The following MUC17 variants were observed in gnomAD, a reference collection of about 807,000 sequenced individuals.
MUC17 encodes mucin-17.
Under a neutral mutation model 170.3 loss-of-function variants are expected in MUC17, and 190 were observed. The ratio of observed to expected loss-of-function variants is 1.12; its 90% confidence interval spans 0.99 to 1.26. The LOEUF (loss-of-function observed/expected upper bound fraction) is 1.26, where lower values mean the gene tolerates loss of function less well. MUC17 is among the 50% of genes most tolerant of loss of function. The pLI is 0.00. For missense variants in MUC17, 6,415 were observed against 5,530.0 expected, an observed-to-expected ratio of 1.16 and a Z score of -5.08; for synonymous variants, 2,325 against 2,002.5, an observed-to-expected ratio of 1.16 and a Z score of -4.30.
At position 101,048,122 on chromosome 7, in the gene MUC17, G is replaced by A. The variant is rs747581934; in HGVS notation, c.12535+7G>A. Reference sequence around the variant, plus strand: ...GTCAGCAGCATTGACATAGGTGAGTGCAACCCCAGGCCTTCCCCCACCCCA... The same window carrying A: ...GTCAGCAGCATTGACATAGGTGAGTACAACCCCAGGCCTTCCCCCACCCCA... On this transcript the variant is annotated splice_region_variant and intron_variant, in intron 4 of 12. Coordinates refer to ENST00000306151, the MANE Select transcript of MUC17 (RefSeq NM_001040105.2). 2 of 1,566,920 alleles carry A rather than the reference G, an allele frequency of 1.3e-6. No homozygotes were observed. Among genetic ancestry groups the A allele is most frequent in the Non-Finnish European group, 1.7e-6 (2 of 1,157,118 alleles).
chr7:101,040,591 G>A lies in MUC17; in HGVS notation c.9175G>A (p.Ala3059Thr), dbSNP rs750632535. 1.2e-6 allele frequency: 2 copies of A among 1,612,330 alleles called. No homozygotes were observed. The highest frequency in any genetic ancestry group is 2.2e-5 in the East Asian group (1 of 44,678). ...TSIPVSTTPV[A>T]IPEASTLSTT... ...TATACCTGTCAGCACCACGCCAGTG[G>A]CCATTCCTGAGGCTAGCACCCTTTC... The change falls in exon 3 of 13, where the codon GCC becomes ACC. Residue 3059 changes from alanine to threonine, a missense_variant. Physicochemically the swap from Ala to Thr is moderately conservative, Grantham distance 58. Transcript: ENST00000306151.
At chr7:101,043,977 C>T (rs6970159) in intron 3 of MUC17, among the ~76,000 whole-genome samples, 158 bp downstream of exon 3, 2,998 of 152,290 alleles carry the variant, frequency 0.02, 100 homozygotes, top group African/African-American at 0.069. Flanking sequence ...TCTCGTAATG[C>T]TATCCCTCCC....
Position 101,053,356 on chromosome 7 carries a change from C to G in MUC17, c.13283C>G (p.Ser4428Cys). Residue 4428 changes from serine (S) to cysteine (C), a missense_variant, in exon 11 of 13, where the codon TCT (serine) becomes TGT (cysteine). Physicochemically the swap from Ser to Cys is moderately radical, Grantham distance 112. Transcript: ENST00000306151. Reference sequence around the variant, plus strand: ...ATCACTAGGCAAAAGTACAGATTGTCTCAGTTATACAAGTGGCAAGAAGAG... The same window carrying G: ...ATCACTAGGCAAAAGTACAGATTGTGTCAGTTATACAAGTGGCAAGAAGAG... ...REVKRQKYRL[S>C]QLYKWQEEDS... 1 of 1,614,082 alleles carries G rather than the reference C, an allele frequency of 6.2e-7. No homozygotes were observed. Among genetic ancestry groups the G allele is most frequent in the East Asian group, 2.2e-5 (1 of 44,878 alleles).
intron 11 of MUC17, among the ~76,000 whole-genome samples, chr7:101,055,710 A>G (rs1351757428): frequency 6.6e-6 from 1 of 152,240 alleles, no homozygotes; most frequent in Non-Finnish European, 1.5e-5. Flanking sequence ...CACATTTATT[A>G]CCTGAGTCCA....
Position 101,032,539 on chromosome 7 carries a change from C to T in MUC17, c.1123C>T (p.Pro375Ser). The T allele has an allele frequency of 1.2e-6, 2 of 1,614,072 alleles. No individual in the cohort carries two copies. The highest frequency in any genetic ancestry group is 1.7e-6 in the Non-Finnish European group (2 of 1,180,000). ...CACTTCTACTGAACCCAGTTCACTT[C>T]CTACAACTGCTGAAGCTACCAGCAT... ...VTTSTEPSSL[P>S]TTAEATSMLT... The change falls in exon 3 of 13, where the codon CCT (proline) becomes TCT (serine). Residue 375 changes from proline to serine, a missense_variant. Coordinates refer to ENST00000306151, the MANE Select transcript of MUC17 (RefSeq NM_001040105.2).
Position 101,041,372 on chromosome 7 carries a change from G to A in MUC17, c.9956G>A (p.Ser3319Asn), listed in dbSNP as rs775248154. 10 of 1,613,146 alleles carry A rather than the reference G, an allele frequency of 6.2e-6. No homozygotes were observed. The African/African-American group carries it at 8.0e-5, about 13-fold the overall frequency. The change falls in exon 3 of 13, where the codon AGT becomes AAT. Residue 3319 changes from serine (S) to asparagine (N), a missense_variant. Transcript: ENST00000306151. ...STPVTTYSQA[S>N]SSPPIADGTS... is the part of the protein sequence containing the mutation. ...CCTGTGACCACTTATTCTCAAGCCAGTTCATCTCCTCCAATTGCTGACGGT... is the reference window on the plus strand; with the variant it reads ...CCTGTGACCACTTATTCTCAAGCCAATTCATCTCCTCCAATTGCTGACGGT...
intron 7 of MUC17, among the ~76,000 whole-genome samples, chr7:101,050,931 G>A (rs1291103517): frequency 6.6e-6 from 1 of 152,048 alleles, no homozygotes; most frequent in African/African-American, 2.4e-5. Flanking sequence ...AACCTGCAAG[G>A]CCAGACATAC....
Position 101,034,217 on chromosome 7 carries a change from C to T in MUC17, c.2801C>T (p.Thr934Met), listed in dbSNP as rs768790311. 3.1e-5 allele frequency: 49 copies of T among 1,601,424 alleles called. No homozygotes were observed. The highest frequency in any genetic ancestry group is 7.8e-5 in the South Asian group (7 of 89,260). The stretch of plus-strand genomic sequence containing the variant: ...TTAACAAGTATGCCTGACAGCACCA[C>T]GCCGGTAGTCAGTTCTGAGGCTAGA... ...TPLTSMPDST[T>M]PVVSSEARTL... is the part of the protein sequence containing the mutation. The change falls in exon 3 of 13, where the codon ACG becomes ATG. Residue 934 changes from threonine to methionine, a missense_variant. Physicochemically the swap from Thr to Met is moderately conservative, Grantham distance 81. Transcript: ENST00000306151.
intron 3 of MUC17, among the ~76,000 whole-genome samples, chr7:101,045,761 G>C (rs1794828935): frequency 6.6e-6 from 1 of 152,182 alleles, no homozygotes; most frequent in African/African-American, 2.4e-5. Context: ...TGAGCTCTCT[G>C]ATTCTCAGAT....
In MUC17 at chr7:101,041,355, C is replaced by G; in HGVS notation, c.9939C>G (p.Thr3313=). The change falls in exon 3 of 13, where the codon ACC becomes ACG. Residue 3313 remains threonine, a synonymous_variant. Coordinates refer to ENST00000306151, the MANE Select transcript of MUC17 (RefSeq NM_001040105.2). ...CTGCTGACACCAGCACACCTGTGACCACTTATTCTCAAGCCAGTTCATCTC... is the reference window on the plus strand; with the variant it reads ...CTGCTGACACCAGCACACCTGTGACGACTTATTCTCAAGCCAGTTCATCTC... The part of the protein sequence containing the change: ...TTPADTSTPV[T]TYSQASSSPP... The G allele has an allele frequency of 2.5e-6, 4 of 1,613,360 alleles. No individual in the cohort carries two copies. Among genetic ancestry groups the G allele is most frequent in the Non-Finnish European group, 3.4e-6 (4 of 1,179,620 alleles).
chr7:101,036,554 C>G lies in MUC17; in HGVS notation c.5138C>G (p.Thr1713Ser), dbSNP rs375087957. Residue 1713 changes from threonine (T) to serine (S), a missense_variant, in exon 3 of 13, where the codon ACT becomes AGT. Thr to Ser is a moderately conservative substitution (Grantham distance 58). Coordinates refer to ENST00000306151, the MANE Select transcript of MUC17 (RefSeq NM_001040105.2). ...ASSAISTLST[T>S]PVDNSTPVTT... ...TCTGCAATCAGCACCCTTTCAACAA[C>G]TCCCGTTGACAACAGCACACCTGTG... 256 of 1,611,332 alleles carry G rather than the reference C, an allele frequency of 1.6e-4. No individual in the cohort carries two copies. The highest frequency in any genetic ancestry group is 2.1e-4 in the Non-Finnish European group (248 of 1,178,462).
chr7:101,044,058 TCAGTTCC>T (rs1794791216), intron 3 of MUC17, among the ~76,000 whole-genome samples: 1 of 152,200 alleles, frequency 6.6e-6, no homozygotes, highest in Non-Finnish European at 1.5e-5. Flanking sequence ...TTCTCATTGT[TCAGTTCC>T]CACCTATGAG....
Position 101,037,582 on chromosome 7 carries a change from G to T in MUC17, c.6166G>T (p.Val2056Leu), listed in dbSNP as rs753478739. 2.5e-6 allele frequency: 4 copies of T among 1,613,876 alleles called. No homozygotes were observed. The highest frequency in any genetic ancestry group is 3.4e-6 in the Non-Finnish European group (4 of 1,179,862). ...LAGMPVSTTL[V>L]VSSEGNTLST... Reference sequence around the variant, plus strand: ...AGGTATGCCTGTCAGCACTACGCTTGTGGTCAGTTCTGAGGGTAACACCCT... The same window carrying T: ...AGGTATGCCTGTCAGCACTACGCTTTTGGTCAGTTCTGAGGGTAACACCCT... Residue 2056 changes from valine (V) to leucine (L), a missense_variant, in exon 3 of 13, where the codon GTG becomes TTG. By Grantham distance (32) the Val-to-Leu change is conservative. Coordinates refer to ENST00000306151, the MANE Select transcript of MUC17 (RefSeq NM_001040105.2).
Position 101,053,419 on chromosome 7 carries a change from GC to G in MUC17, c.13347del (p.Phe4450LeufsTer23), listed in dbSNP as rs745569526. On this transcript the variant is annotated frameshift_variant, in exon 11 of 13. Coordinates refer to ENST00000306151, the MANE Select transcript of MUC17 (RefSeq NM_001040105.2). LOFTEE classifies it high-confidence loss of function. ...GCTCCTGGGACCTTCCAAAACATTG[GC>G]TTTGACATCTGCCAAGGTATTGGCC... ...GPAPGTFQNI[G>X]FDICQDDDSI... The G allele has an allele frequency of 4.0e-5, 64 of 1,613,426 alleles. No individual in the cohort carries two copies. Among genetic ancestry groups the G allele is most frequent in the Non-Finnish European group, 5.2e-5 (61 of 1,179,908 alleles).
At chr7:101,021,022 T>TG (rs1794067540) in intron 1 of MUC17, among the ~76,000 whole-genome samples, 1 of 152,158 alleles carries the variant, frequency 6.6e-6, no homozygotes, top group Non-Finnish European at 1.5e-5. Flanking sequence ...TGTCACCCTG[T>TG]GGCAATCTCA....
chr7:101,034,628 C>T lies in MUC17; in HGVS notation c.3212C>T (p.Thr1071Ile). ...TLSTTPADTSTPVTTYSQASS... is the reference protein window; with the variant it reads ...TLSTTPADTSIPVTTYSQASS... ...TCAACAACTCCTGCTGACACCAGCA[C>T]ACCTGTGACCACTTATTCTCAAGCC... The change falls in exon 3 of 13, where the codon ACA becomes ATA. Residue 1071 changes from threonine (T) to isoleucine (I), a missense_variant. Physicochemically the swap from Thr to Ile is moderately conservative, Grantham distance 89. Coordinates refer to ENST00000306151, the MANE Select transcript of MUC17 (RefSeq NM_001040105.2). The T allele has an allele frequency of 6.2e-7, 1 of 1,606,930 alleles. No individual in the cohort carries two copies. The highest frequency in any genetic ancestry group is 8.5e-7 in the Non-Finnish European group (1 of 1,174,602).
chr7:101,051,743 G>T, intron 8 of MUC17, 60 bp from the exon 9 acceptor site: 1 of 1,605,904 alleles, frequency 6.2e-7, no homozygotes, highest in East Asian at 2.2e-5. Context: ...AGGAGGAGTG[G>T]GACAGTGTCC....
Position 101,041,520 on chromosome 7 carries a change from C to T in MUC17, c.10104C>T (p.Ser3368=), listed in dbSNP as rs1794704097. ...STLSTTPVDT[S]TPVTTSTEAS... ...TTTCCACAACTCCTGTTGACACCAG[C>T]ACACCTGTCACCACTTCTACTGAAG... Residue 3368 remains serine (S), a synonymous_variant, in exon 3 of 13, where the codon AGC becomes AGT. Coordinates refer to ENST00000306151, the MANE Select transcript of MUC17 (RefSeq NM_001040105.2). 2 of 1,613,792 alleles carry T rather than the reference C, an allele frequency of 1.2e-6. No individual in the cohort carries two copies. Among genetic ancestry groups the T allele is most frequent in the Non-Finnish European group, 1.7e-6 (2 of 1,179,906 alleles).
At position 101,039,248 on chromosome 7, in the gene MUC17, C is replaced by A. The variant is rs779130180; in HGVS notation, c.7832C>A (p.Thr2611Asn). Residue 2611 changes from threonine to asparagine, a missense_variant, in exon 3 of 13, where the codon ACC becomes AAC. Physicochemically the swap from Thr to Asn is moderately conservative, Grantham distance 65 (BLOSUM62 0). Coordinates refer to ENST00000306151, the MANE Select transcript of MUC17 (RefSeq NM_001040105.2). The stretch of plus-strand genomic sequence containing the variant: ...ATACCTGTCACCACTTCTACTGAAA[C>A]CAGTTCATCTCCTACAACTGCAAAA... ...TSIPVTTSTE[T>N]SSSPTTAKDT... 6.2e-7 allele frequency: 1 copy of A among 1,613,642 alleles called. No individual in the cohort carries two copies. The highest frequency in any genetic ancestry group is 2.2e-5 in the East Asian group (1 of 44,860).
Sources: allele counts gnomAD v4.1 joint callset (sites outside exome capture counted in the v4.1 genomes callset), GRCh38; gene constraint gnomAD v4.1.1; transcripts MANE v1.5; gene names NCBI Gene and HGNC (gene_info 2026-07-23, HGNC 2026-07-21).